DLGAP1: variants seen among roughly 807,000 people sequenced by gnomAD.
The protein encoded by DLGAP1 is DLG associated protein 1.
A neutral mutation model predicts 90.8 loss-of-function variants in DLGAP1; 11 were observed. That is an observed-to-expected ratio of 0.12 (90% confidence interval 0.08 to 0.20). DLGAP1 has a LOEUF of 0.20. DLGAP1 is among the 10% of genes least tolerant of loss of function. DLGAP1 has a pLI of 1.00. For synonymous variants in DLGAP1, 558 were observed against 540.7 expected (o/e 1.03, Z -0.44); for missense variants, 1,050 against 1,333.8 (o/e 0.79, Z 3.31).
intron 3 of DLGAP1, among the ~76,000 whole-genome samples, chr18:3,967,736 G>C (rs535816367): frequency 5.2e-4 from 79 of 152,186 alleles, no homozygotes; most frequent in African/African-American, 1.9e-3. Context: ...AAGAGCATTT[G>C]ACTCTACTTT....
At chr18:3,678,592 G>C (rs2060397541) in intron 7 of DLGAP1, among the ~76,000 whole-genome samples, 1 of 152,030 alleles carries the variant, frequency 6.6e-6, no homozygotes, top group African/African-American at 2.4e-5. Context: ...TTGCTTTATG[G>C]CTTTGGATAA....
intron 5 of DLGAP1, among the ~76,000 whole-genome samples, chr18:3,799,815 C>T (rs761517327): frequency 3.9e-5 from 6 of 152,158 alleles, no homozygotes; most frequent in Non-Finnish European, 7.3e-5. Context: ...TCCTCCCTCC[C>T]GCTAATACTC....
At chr18:4,082,840 ACGTGCCG>A (rs1445493046) in intron 2 of DLGAP1, among the ~76,000 whole-genome samples, 1 of 151,922 alleles carries the variant, frequency 6.6e-6, no homozygotes, top group African/African-American at 2.4e-5. Flanking sequence ...GGCTTCATTG[ACGTGCCG>A]CTGCTCAGTC....
At chr18:3,670,243 G>A (rs1054187712) in intron 7 of DLGAP1, among the ~76,000 whole-genome samples, 32 of 152,210 alleles carry the variant, frequency 2.1e-4, no homozygotes, top group Non-Finnish European at 7.3e-5. Flanking sequence ...TGGATGACTA[G>A]AGAGATAAAT....
At chr18:4,119,523 A>G (rs541222003) in intron 2 of DLGAP1, among the ~76,000 whole-genome samples, 49 of 152,336 alleles carry the variant, frequency 3.2e-4, no homozygotes, top group African/African-American at 1.2e-3. Flanking sequence ...TATTGAAATG[A>G]TAATAGCACT....
intron 1 of DLGAP1, among the ~76,000 whole-genome samples, chr18:4,318,929 C>G (rs1483605702): frequency 6.6e-6 from 1 of 152,134 alleles, no homozygotes; most frequent in Admixed American, 6.5e-5. Context: ...ATCTATTGTA[C>G]AACAAGGTGA....
chr18:4,115,119 G>A (rs990829380), intron 2 of DLGAP1, among the ~76,000 whole-genome samples: 1 of 151,902 alleles, frequency 6.6e-6, no homozygotes, highest in African/African-American at 2.4e-5. Flanking sequence ...AATAATATAT[G>A]CATTATTCTC....
chr18:4,273,415 T>C (rs2079330500), intron 1 of DLGAP1, among the ~76,000 whole-genome samples: 1 of 152,184 alleles, frequency 6.6e-6, no homozygotes, highest in African/African-American at 2.4e-5. Context: ...TTACTGATGA[T>C]GTTCCATGGC....
chr18:3,745,991 A>G (rs1568060019), intron 5 of DLGAP1, among the ~76,000 whole-genome samples: 1 of 152,162 alleles, frequency 6.6e-6, no homozygotes, highest in Non-Finnish European at 1.5e-5. Flanking sequence ...GCCCGGCCTC[A>G]GCTATACTTT....
At chr18:4,392,561 A>T (rs1317591125) in intron 1 of DLGAP1, among the ~76,000 whole-genome samples, 1 of 152,204 alleles carries the variant, frequency 6.6e-6, no homozygotes, top group African/African-American at 2.4e-5. Context: ...TAGTTAAAAG[A>T]GAGTGCTGCT....
intron 7 of DLGAP1, among the ~76,000 whole-genome samples, chr18:3,705,032 T>C (rs1406965056): frequency 1.3e-5 from 2 of 152,320 alleles, no homozygotes; most frequent in South Asian, 4.1e-4. Context: ...AGGACAAAAG[T>C]GTGCATCTCT....
chr18:4,004,809 T>G (rs2074267443), intron 3 of DLGAP1, among the ~76,000 whole-genome samples: 1 of 152,126 alleles, frequency 6.6e-6, no homozygotes, highest in Non-Finnish European at 1.5e-5. Context: ...TTCTGATAAA[T>G]TATTGTGTGC....
At chr18:3,698,069 C>G (rs1433003896) in intron 7 of DLGAP1, among the ~76,000 whole-genome samples, 1 of 152,158 alleles carries the variant, frequency 6.6e-6, no homozygotes, top group Non-Finnish European at 1.5e-5. Context: ...TATTTTGAGC[C>G]TATGTGTGTC....
rs556386699 is a variant in DLGAP1, at chr18:3,897,098, A to G, written c.-72-16958T>C. On this transcript the variant is annotated intron_variant, in intron 3 of 12. Transcript: ENST00000315677. ...TGGATCTTCATTTCTGAGGAGTCCC[A>G]TGTTACATAAAACTTTGATTACCTT... The G allele has an allele frequency of 3.3e-5, 5 of 152,370 alleles. No individual in the cohort carries two copies. In the East Asian group the frequency reaches 9.6e-4, roughly 29 times the overall value. 9.4% of individuals were successfully genotyped at this position (152,370 alleles called of 1,614,324 possible). A position where few individuals can be genotyped will look rare whatever the true frequency, so the allele number is the denominator to read the frequency against.
At chr18:4,105,723 A>C (rs1433242780) in intron 2 of DLGAP1, among the ~76,000 whole-genome samples, 2 of 152,202 alleles carry the variant, frequency 1.3e-5, no homozygotes. Context: ...AATCAGGAGA[A>C]AAGGAGGCCT....
rs142388587 is a variant in DLGAP1, at chr18:4,299,698, CACA to C, written c.-266-148414_-266-148412del. Among the ~76,000 whole-genome samples the C allele has an allele frequency of 4.5e-5, 6 of 133,664 alleles. No homozygotes were observed. The East Asian group carries it at 1.3e-3, about 29-fold the overall frequency. 87.7% of individuals were successfully genotyped at this position (133,664 alleles called of 152,430 possible). On this transcript the variant is annotated intron_variant, in intron 1 of 12. Coordinates refer to ENST00000315677, the MANE Select transcript of DLGAP1 (RefSeq NM_004746.4). ...TGCAAGATTTTGTTTAAAAAACACA[CACA>C]AAAAAAACAAACAAAATACCAGAAG...
At chr18:3,518,268 A>G (rs2050964121) in intron 10 of DLGAP1, among the ~76,000 whole-genome samples, 2 of 152,206 alleles carry the variant, frequency 1.3e-5, no homozygotes, top group African/African-American at 4.8e-5. Context: ...GAGCAGTCAG[A>G]ACATAAACAC....
At chr18:3,621,148 G>A (rs1385806761) in intron 7 of DLGAP1, among the ~76,000 whole-genome samples, 3 of 152,150 alleles carry the variant, frequency 2.0e-5, no homozygotes, top group African/African-American at 7.2e-5. Context: ...CACACCTGTA[G>A]TCCCAGCACT....
intron 9 of DLGAP1, among the ~76,000 whole-genome samples, chr18:3,548,460 A>G (rs1206218638): frequency 8.9e-6 from 1 of 112,436 alleles, no homozygotes; most frequent in Non-Finnish European, 1.8e-5. Context: ...CTATAAAAAG[A>G]AAAAAAAAAA....
Sources: allele counts gnomAD v4.1 joint callset (sites outside exome capture counted in the v4.1 genomes callset), GRCh38; gene constraint gnomAD v4.1.1; transcripts MANE v1.5; gene names NCBI Gene and HGNC (gene_info 2026-07-23, HGNC 2026-07-21).